SH3KBP1: variants seen among roughly 807,000 people sequenced by gnomAD.
SH3KBP1 encodes the protein SH3 domain-containing kinase-binding protein 1.
A neutral mutation model predicts 50.1 loss-of-function variants in SH3KBP1; 8 were observed. The ratio of observed to expected loss-of-function variants is 0.16; its 90% CI spans 0.09 to 0.29. SH3KBP1 has a LOEUF of 0.29. Among genes scored for constraint, SH3KBP1 ranks in the 10% least tolerant of loss-of-function variants. SH3KBP1 has a pLI of 1.00. For missense variants in SH3KBP1, 377 were observed against 535.2 expected (o/e 0.70, Z 2.92); for synonymous variants, 227 against 218.6 (o/e 1.04, Z -0.34).
intron 2 of SH3KBP1, among the ~76,000 whole-genome samples, chrX:19,782,554 C>T (rs1000747381): frequency 3.6e-5 from 4 of 111,436 alleles, no homozygotes; most frequent in African/African-American, 6.5e-5. Context: ...AGGCTTTGTA[C>T]GCACACACCA....
At chrX:19,603,953 G>A (rs186838378) in intron 9 of SH3KBP1, among the ~76,000 whole-genome samples, 183 of 111,732 alleles carry the variant, frequency 1.6e-3, no homozygotes, top group Non-Finnish European at 2.3e-3. Flanking sequence ...CTCCTAAAGC[G>A]CTGGGATTAC....
At chrX:19,803,911 G>A (rs768459615) in intron 2 of SH3KBP1, among the ~76,000 whole-genome samples, 2 of 111,786 alleles carry the variant, frequency 1.8e-5, no homozygotes, top group Non-Finnish European at 3.8e-5. Context: ...AGTGGCTCAC[G>A]CCTGTAATCC....
In SH3KBP1 at chrX:19,695,634, C is replaced by T. The variant is rs1480875828; in HGVS notation, c.498G>A (p.Gln166=). ...TACTTGACTTGGATAGCTGCTCATC[C>T]TGGGAAATGCCAAGCTCATCCGACT... ...SGESDELGIS[Q]DEQLSKSSLR... is the part of the protein sequence containing the mutation. The change falls in exon 5 of 18, where the codon CAG becomes CAA. Residue 166 remains glutamine (Q), a synonymous_variant. Transcript: ENST00000397821. The T allele has an allele frequency of 5.8e-6, 7 of 1,209,992 alleles. No individual in the cohort carries two copies. Among genetic ancestry groups the T allele is most frequent in the Non-Finnish European group, 7.8e-6 (7 of 894,947 alleles).
chrX:19,852,951 G>T lies in SH3KBP1; in HGVS notation c.5-16669C>A, dbSNP rs1358083987. The stretch of plus-strand genomic sequence containing the variant: ...AAAAGTGGATCAACATTACAACAGT[G>T]ATATAAAGCCATGAAGATGAGAGTA... On this transcript the variant is annotated intron_variant, in intron 1 of 17. Coordinates refer to ENST00000397821, the MANE Select transcript of SH3KBP1 (RefSeq NM_031892.3). 3.6e-5 allele frequency among the ~76,000 whole-genome samples: 4 copies of T among 112,210 alleles called. No individual in the cohort carries two copies. The East Asian group carries it at 1.1e-3, about 31-fold the overall frequency.
intron 2 of SH3KBP1, among the ~76,000 whole-genome samples, chrX:19,800,614 A>G (rs2066863791): frequency 8.9e-6 from 1 of 112,545 alleles, no homozygotes; most frequent in East Asian, 2.8e-4. Context: ...CACCATCACC[A>G]ATATTACCCT....
intron 13 of SH3KBP1, among the ~76,000 whole-genome samples, chrX:19,553,044 C>T (rs915408680): frequency 9.9e-5 from 11 of 111,334 alleles, no homozygotes; most frequent in Admixed American, 9.5e-4. Context: ...GAGCACTTGA[C>T]GAAAATGGTG....
chrX:19,659,061 G>C (rs1217406294), intron 6 of SH3KBP1, among the ~76,000 whole-genome samples: 1 of 106,021 alleles, frequency 9.4e-6, no homozygotes, highest in Non-Finnish European at 1.9e-5. Flanking sequence ...GCTCAAGCGA[G>C]CCTCTCAAGT....
intron 6 of SH3KBP1, among the ~76,000 whole-genome samples, chrX:19,656,876 C>T (rs2062292780): frequency 8.9e-6 from 1 of 112,045 alleles, no homozygotes; most frequent in Non-Finnish European, 1.9e-5. Flanking sequence ...TATGAAAAAG[C>T]ATCTTTCTAA....
chrX:19,595,042 A>G, intron 9 of SH3KBP1, 42 bp from the exon 10 acceptor site: 1 of 957,076 alleles, frequency 1.0e-6, no homozygotes, highest in Non-Finnish European at 1.5e-6. Context: ...GATTGTTGGC[A>G]AGCCTGTCCT....
At chrX:19,836,023 T>C in intron 2 of SH3KBP1, 102 bp downstream of exon 2, 2 of 757,323 alleles carry the variant, frequency 2.6e-6, no homozygotes, top group Non-Finnish European at 2.0e-6. Context: ...GGGCAAGCCA[T>C]TCCCTAAGAG....
chrX:19,851,832 C>T (rs962220272), intron 1 of SH3KBP1, among the ~76,000 whole-genome samples: 5 of 112,031 alleles, frequency 4.5e-5, no homozygotes, highest in Non-Finnish European at 5.6e-5. Context: ...CCACCATGCC[C>T]GGCAGAAAAT....
chrX:19,574,555 C>T lies in SH3KBP1; in HGVS notation c.1299-5367G>A, dbSNP rs770839920. The stretch of plus-strand genomic sequence containing the variant: ...TCTGGTGAGGACCCAGCTTCCTTCT[C>T]GCTGTGCCCTCACGTGGTGGAAGGG... On this transcript the variant is annotated intron_variant, in intron 12 of 17. Transcript: ENST00000397821. Among the ~76,000 whole-genome samples, 5 of 112,556 alleles carry T rather than the reference C, an allele frequency of 4.4e-5. No individual in the cohort carries two copies. In the South Asian group the frequency reaches 1.1e-3, roughly 25 times the overall value.
intron 12 of SH3KBP1, among the ~76,000 whole-genome samples, chrX:19,583,797 ATTAT>A (rs1188450993): frequency 1.9e-5 from 2 of 104,401 alleles, no homozygotes; most frequent in African/African-American, 3.4e-5. Context: ...AATAATATAT[ATTAT>A]TTATGTATAC....
chrX:19,537,722 A>G lies in SH3KBP1; in HGVS notation c.1951T>C (p.Leu651=). ...CAGAACCCAAAGGGACGCACCTGCA[A>G]CCGAAGCCGGATTTTCTTCTCTTCA... ...LDEEKKIRLR[L]QMEVNDIKKA... is the part of the protein sequence containing the mutation. Residue 651 remains leucine, a synonymous_variant, in exon 17 of 18, where the codon TTG becomes CTG. Coordinates refer to ENST00000397821, the MANE Select transcript of SH3KBP1 (RefSeq NM_031892.3). The G allele has an allele frequency of 1.7e-6, 2 of 1,211,037 alleles. No individual in the cohort carries two copies. The highest frequency in any genetic ancestry group is 1.7e-5 in the African/African-American group (1 of 57,791).
At chrX:19,726,030 G>A (rs1038100899) in intron 3 of SH3KBP1, among the ~76,000 whole-genome samples, 6 of 111,985 alleles carry the variant, frequency 5.4e-5, no homozygotes, top group African/African-American at 2.0e-4. Flanking sequence ...TGGGCTTAGG[G>A]AATCGTATGC....
intron 1 of SH3KBP1, among the ~76,000 whole-genome samples, chrX:19,845,284 C>T (rs966004542): frequency 1.1e-4 from 12 of 109,401 alleles, no homozygotes; most frequent in African/African-American, 3.3e-4. Context: ...TGAGACCATC[C>T]TGGCTAACAC....
chrX:19,701,934 G>T (rs1248345851), intron 4 of SH3KBP1, among the ~76,000 whole-genome samples: 2 of 111,853 alleles, frequency 1.8e-5, no homozygotes, highest in African/African-American at 6.5e-5. Context: ...AGCCTGTTTT[G>T]CATGCTGATG....
chrX:19,796,660 T>C lies in SH3KBP1; in HGVS notation c.162+39465A>G, dbSNP rs753769224. Among the ~76,000 whole-genome samples, 5 of 112,497 alleles carry C rather than the reference T, an allele frequency of 4.4e-5. No individual in the cohort carries two copies. The South Asian group carries it at 1.8e-3, about 41-fold the overall frequency. On this transcript the variant is annotated intron_variant, in intron 2 of 17. Coordinates refer to ENST00000397821, the MANE Select transcript of SH3KBP1 (RefSeq NM_031892.3). Reference sequence around the variant, plus strand: ...TTCCAAGATAATGGGGTTTTTCACATTATTCTTGGCAGGAGGTGGAGAAAG... The same window carrying C: ...TTCCAAGATAATGGGGTTTTTCACACTATTCTTGGCAGGAGGTGGAGAAAG...
At chrX:19,674,830 G>A (rs1036462414) in intron 6 of SH3KBP1, among the ~76,000 whole-genome samples, 3 of 111,655 alleles carry the variant, frequency 2.7e-5, no homozygotes, top group African/African-American at 9.8e-5. Context: ...TGTAATCCCA[G>A]CACTTTGGAA....
Sources: allele counts gnomAD v4.1 joint callset (sites outside exome capture counted in the v4.1 genomes callset), GRCh38; gene constraint gnomAD v4.1.1; transcripts MANE v1.5; gene names NCBI Gene and HGNC (gene_info 2026-07-23, HGNC 2026-07-21).